Variants in EPB41L3 observed in about 807,000 individuals in gnomAD.
EPB41L3 encodes erythrocyte membrane protein band 4.1 like 3, also known as band 4.1-like protein 3.
EPB41L3 carries 57 observed loss-of-function variants against 127.1 expected under a neutral mutation model. The ratio of observed to expected loss-of-function variants is 0.45; its 90% CI spans 0.36 to 0.56. The LOEUF (loss-of-function observed/expected upper bound fraction) is 0.56, where lower values mean the gene tolerates loss of function less well. Ranked by LOEUF, EPB41L3 falls within the 20% of genes least tolerant of loss-of-function variation. The pLI is 0.00. For missense variants in EPB41L3, 1,273 were observed against 1,372.2 expected (o/e 0.93, Z 1.14); for synonymous variants, 572 against 549.5 (o/e 1.04, Z -0.57).
intron 3 of EPB41L3, among the ~76,000 whole-genome samples, chr18:5,590,916 G>A (rs1318048810): frequency 6.6e-6 from 1 of 152,116 alleles, no homozygotes; most frequent in African/African-American, 2.4e-5. Flanking sequence ...GGTGGGGGAT[G>A]GGTATGACTA....
chr18:5,403,614 A>T (rs1400160476), intron 16 of EPB41L3, among the ~76,000 whole-genome samples: 1 of 151,222 alleles, frequency 6.6e-6, no homozygotes, highest in East Asian at 1.9e-4. Context: ...AAACAACAAC[A>T]ACTAAGCTTT....
At chr18:5,518,321 A>ACCG (rs2092835126) in intron 1 of EPB41L3, among the ~76,000 whole-genome samples, 1 of 151,692 alleles carries the variant, frequency 6.6e-6, no homozygotes, top group Admixed American at 6.6e-5. Context: ...TCTTCCTCAG[A>ACCG]CCGCCACCCA....
chr18:5,457,702 T>G (rs964456826), intron 3 of EPB41L3, among the ~76,000 whole-genome samples: 3 of 152,122 alleles, frequency 2.0e-5, no homozygotes, highest in Non-Finnish European at 2.9e-5. Context: ...TGCCTGCCTC[T>G]GTGACTTCCC....
intron 16 of EPB41L3, chr18:5,400,992 T>G (rs2074406181): frequency 6.5e-7 from 1 of 1,534,172 alleles, no homozygotes; most frequent in Non-Finnish European, 8.7e-7. Context: ...AATGGAGCGC[T>G]TCCTTGCTGC....
chr18:5,488,613 G>T (rs2090182542), intron 2 of EPB41L3, among the ~76,000 whole-genome samples: 1 of 144,468 alleles, frequency 6.9e-6, no homozygotes, highest in Non-Finnish European at 1.5e-5. Context: ...AATAAAAGCA[G>T]ATCTGCAATA....
intron 3 of EPB41L3, among the ~76,000 whole-genome samples, chr18:5,598,170 C>A (rs576921176): frequency 1.1e-4 from 16 of 152,244 alleles, no homozygotes; most frequent in Admixed American, 2.0e-4. Context: ...CAAAGAATTG[C>A]CCGAAAAGAC....
At chr18:5,491,413 A>G (rs932028793) in intron 1 of EPB41L3, among the ~76,000 whole-genome samples, 1 of 152,220 alleles carries the variant, frequency 6.6e-6, no homozygotes, top group Non-Finnish European at 1.5e-5. Flanking sequence ...CCATGATTTT[A>G]GTGTTATCAG....
chr18:5,416,564 G>A (rs1003956329), intron 12 of EPB41L3, among the ~76,000 whole-genome samples, 186 bp from the exon 13 acceptor site: 8 of 152,140 alleles, frequency 5.3e-5, no homozygotes, highest in African/African-American at 1.9e-4. Context: ...GCCACGAACG[G>A]CTACATTTCT....
intron 3 of EPB41L3, among the ~76,000 whole-genome samples, chr18:5,455,066 C>T (rs117176330): frequency 2.6e-3 from 399 of 152,274 alleles, no homozygotes; most frequent in Non-Finnish European, 4.8e-3. Flanking sequence ...AATACTGGTA[C>T]TTATGCAAAG....
intron 5 of EPB41L3, among the ~76,000 whole-genome samples, chr18:5,439,392 T>C (rs1217332863): frequency 1.3e-5 from 2 of 152,200 alleles, no homozygotes; most frequent in Non-Finnish European, 2.9e-5. Context: ...GAAGGTACAG[T>C]ACTGTATTTC....
At chr18:5,433,689 C>G in intron 7 of EPB41L3, 133 bp from the exon 8 acceptor site, 2 of 906,406 alleles carry the variant, frequency 2.2e-6, no homozygotes, top group Non-Finnish European at 3.3e-6. Flanking sequence ...AAAAGAATAA[C>G]AAGAAAAAGG....
intron 3 of EPB41L3, among the ~76,000 whole-genome samples, chr18:5,557,390 T>G (rs889794435): frequency 3.3e-4 from 50 of 152,328 alleles, no homozygotes; most frequent in Non-Finnish European, 6.3e-4. Context: ...TTTTGTTTTG[T>G]TTTTGTTTTT....
chr18:5,541,002 G>A (rs111569462), intron 1 of EPB41L3, among the ~76,000 whole-genome samples: 22 of 149,800 alleles, frequency 1.5e-4, no homozygotes, highest in African/African-American at 5.2e-4. Context: ...GGAGAATGGC[G>A]TGAACCCGGG....
rs910984874 is a variant in EPB41L3 at position 5,461,398 on chromosome 18, A to C, written c.382-16154T>G. ...AGCAGCAGCAGGGAAAATGAGGTGC[A>C]TTCCTAAGTGCAAATAGGACTTAGA... On this transcript the variant is annotated intron_variant, in intron 3 of 22. Coordinates refer to ENST00000341928, the MANE Select transcript of EPB41L3 (RefSeq NM_012307.5). 2.7e-4 allele frequency among the ~76,000 whole-genome samples: 41 copies of C among 152,250 alleles called. 1 individual carries two copies. The highest frequency in any genetic ancestry group is 2.7e-3 in the Admixed American group (41 of 15,284).
At chr18:5,525,283 G>A (rs2093176606) in intron 1 of EPB41L3, among the ~76,000 whole-genome samples, 1 of 152,130 alleles carries the variant, frequency 6.6e-6, no homozygotes. Context: ...TTATCCAAGA[G>A]GCGTGCCATG....
At chr18:5,597,451 T>C (rs996681188) in intron 3 of EPB41L3, among the ~76,000 whole-genome samples, 1 of 152,186 alleles carries the variant, frequency 6.6e-6, no homozygotes, top group African/African-American at 2.4e-5. Flanking sequence ...TTACAATGTA[T>C]TTGTAAAACC....
chr18:5,604,085 A>G (rs2094621324), intron 3 of EPB41L3, among the ~76,000 whole-genome samples: 2 of 152,070 alleles, frequency 1.3e-5, no homozygotes, highest in Non-Finnish European at 1.5e-5. Context: ...ATACACATAA[A>G]TACACATGTA....
intron 2 of EPB41L3, among the ~76,000 whole-genome samples, chr18:5,483,238 T>TA (rs1442892632): frequency 1.3e-5 from 2 of 152,144 alleles, no homozygotes; most frequent in African/African-American, 4.8e-5. Context: ...TTTCTGTTTT[T>TA]AAATTTGTGA....
chr18:5,530,260 T>C (rs2093368370), intron 1 of EPB41L3, among the ~76,000 whole-genome samples: 1 of 152,122 alleles, frequency 6.6e-6, no homozygotes. Context: ...AGTTTCTAAG[T>C]TTAAACATGT....
Sources: gnomAD v4.1 joint callset for allele counts (sites outside exome capture counted in the v4.1 genomes callset) on GRCh38, gnomAD v4.1.1 for gene constraint, MANE v1.5 for transcripts, NCBI Gene and HGNC (gene_info 2026-07-23, HGNC 2026-07-21) for gene names.